Variants in SLITRK4 observed in about 807,000 individuals in gnomAD.
SLITRK4 encodes SLIT and NTRK like family member 4, also known as SLIT and NTRK-like protein 4.
In SLITRK4, 7 loss-of-function variants were observed where a neutral mutation model predicts 34.7. That is an observed-to-expected ratio of 0.20 (90% CI 0.11 to 0.38). The LOEUF is 0.38. Among genes scored for constraint, SLITRK4 ranks in the 10% least tolerant of loss-of-function variants. The probability of loss-of-function intolerance (pLI) is 1.00; values close to 1 mark genes in which losing one functional copy is unlikely to be tolerated. For synonymous variants in SLITRK4, 237 were observed against 246.2 expected, an observed-to-expected ratio of 0.96 and a Z score of 0.35; for missense variants, 474 against 607.0, an observed-to-expected ratio of 0.78 and a Z score of 2.30.
Position 143,628,935 on chromosome X carries a change from G to T in SLITRK4, c.2174C>A (p.Ala725Asp), listed in dbSNP as rs1204672214. 2 of 1,209,517 alleles carry T rather than the reference G, an allele frequency of 1.7e-6. No homozygotes were observed. Among genetic ancestry groups the T allele is most frequent in the Non-Finnish European group, 2.2e-6 (2 of 894,927 alleles). ...ATGTAATAAATCTTTCTCCTTGTCG[G>T]CCACATTTCTCATAACAACTTTCTG... ...PGQKVVMRNV[A>D]DKEKDLLHVD... Residue 725 changes from alanine to aspartate, a missense_variant, in exon 2 of 2, where the codon GCC becomes GAC. Transcript: ENST00000356928.
chrX:143,633,853 G>A (rs945651250), intron 1 of SLITRK4, among the ~76,000 whole-genome samples: 1 of 112,708 alleles, frequency 8.9e-6, no homozygotes, highest in African/African-American at 3.2e-5. Flanking sequence ...ATGTTTTGCC[G>A]CATCCCTGTT....
intron 1 of SLITRK4, among the ~76,000 whole-genome samples, chrX:143,631,781 AC>A (rs1174356448): frequency 7.2e-5 from 8 of 110,750 alleles, no homozygotes; most frequent in African/African-American, 2.0e-4. Context: ...CAATCGGTTT[AC>A]TCCTGTACAC....
In SLITRK4 at chrX:143,627,395, T is replaced by A. The variant is rs782642035; in HGVS notation, c.*1200A>T. On this transcript the variant is annotated 3_prime_UTR_variant, in exon 2 of 2. Transcript: ENST00000356928. Reference sequence around the variant, plus strand: ...GAAAACTAAGGAACTTATTTTTGAATGCACAATTGGTAACAAATCTGAAGA... The same window carrying A: ...GAAAACTAAGGAACTTATTTTTGAAAGCACAATTGGTAACAAATCTGAAGA... The A allele has an allele frequency of 1.8e-5, 2 of 111,523 alleles. No individual in the cohort carries two copies. Among genetic ancestry groups the A allele is most frequent in the Admixed American group, 9.6e-5 (1 of 10,423 alleles). The allele number at this position is 111,523 out of a possible 1,213,427, so 9.2% of individuals were successfully genotyped here. A position where few individuals can be genotyped will look rare whatever the true frequency, so the allele number is the denominator to read the frequency against.
rs1930812088 is a variant in SLITRK4 at position 143,626,929 on chromosome X, T to TATCTATAG, written c.*1665_*1666insCTATAGAT. ...ATCTATATATATCTATATATCTATA[T>TATCTATAG]ATATATATGCAGGCAGGCCAAGAAG... On this transcript the variant is annotated 3_prime_UTR_variant, in exon 2 of 2. Coordinates refer to ENST00000356928, the MANE Select transcript of SLITRK4 (RefSeq NM_001184749.3). 3 of 107,372 alleles carry TATCTATAG rather than the reference T, an allele frequency of 2.8e-5. No individual in the cohort carries two copies. The East Asian group carries it at 8.6e-4, about 31-fold the overall frequency. 8.8% of individuals were successfully genotyped at this position (107,372 alleles called of 1,213,427 possible).
At chrX:143,633,606 G>T (rs1401011798) in intron 1 of SLITRK4, among the ~76,000 whole-genome samples, 1 of 110,807 alleles carries the variant, frequency 9.0e-6, no homozygotes, top group Non-Finnish European at 1.9e-5. Flanking sequence ...GGAGTGCAGC[G>T]CCTGGCACTC....
chrX:143,624,181 A>T lies in SLITRK4; in HGVS notation c.*4414T>A, dbSNP rs1180613182. The stretch of plus-strand genomic sequence containing the variant: ...TACATTCATTTCTGCCCTCAAGTTA[A>T]CCGTAATGCAATTAGTTCATTTTCC... On this transcript the variant is annotated 3_prime_UTR_variant, in exon 2 of 2. Transcript: ENST00000356928. The T allele has an allele frequency of 2.7e-5, 3 of 111,448 alleles. No individual in the cohort carries two copies. The highest frequency in any genetic ancestry group is 9.8e-5 in the African/African-American group (3 of 30,757). The allele number at this position is 111,448 out of a possible 1,213,427, so 9.2% of individuals were successfully genotyped here.
chrX:143,634,611 C>G (rs2124336868), intron 1 of SLITRK4: 1 of 110,010 alleles, frequency 9.1e-6, no homozygotes, highest in African/African-American at 3.3e-5. Context: ...GAGACCGCGT[C>G]GTAGGCAGGC....
Position 143,623,047 on chromosome X carries a change from G to T in SLITRK4, c.*5548C>A, listed in dbSNP as rs1273914882. The T allele has an allele frequency of 4.5e-5, 5 of 110,434 alleles. No individual in the cohort carries two copies. The highest frequency in any genetic ancestry group is 1.6e-4 in the African/African-American group (5 of 30,443). The allele number at this position is 110,434 out of a possible 1,213,427, so 9.1% of individuals were successfully genotyped here. A position where few individuals can be genotyped will look rare whatever the true frequency, so the allele number is the denominator to read the frequency against. ...AGTATTTGTGAGGTGCCAACTAAGA[G>T]AAATATATTGTTCAGAAACTTGAAA... is the stretch of plus-strand genomic sequence containing the variant. On this transcript the variant is annotated 3_prime_UTR_variant, in exon 2 of 2. Coordinates refer to ENST00000356928, the MANE Select transcript of SLITRK4 (RefSeq NM_001184749.3).
Position 143,628,805 on chromosome X carries a change from C to T in SLITRK4, c.2304G>A (p.Glu768=). The change falls in exon 2 of 2, where the codon GAG becomes GAA. Residue 768 remains glutamate, a synonymous_variant. Transcript: ENST00000356928. The stretch of plus-strand genomic sequence containing the variant: ...AGCCACTGACACCTATGCTATTATA[C>T]TCCTTTTTGCTTTCAAGAAAATTCT... The part of the protein sequence containing the change: ...FIQNFLESKK[E]YNSIGVSGFE... The T allele has an allele frequency of 5.8e-6, 7 of 1,210,258 alleles. No homozygotes were observed. The highest frequency in any genetic ancestry group is 6.7e-6 in the Non-Finnish European group (6 of 895,150).
chrX:143,630,721 T>A lies in SLITRK4; in HGVS notation c.388A>T (p.Ile130Leu), dbSNP rs1556428078. The change falls in exon 2 of 2, where the codon ATA (isoleucine) becomes TTA (leucine). Residue 130 changes from isoleucine to leucine, a missense_variant. Coordinates refer to ENST00000356928, the MANE Select transcript of SLITRK4 (RefSeq NM_001184749.3). ...KILRADTFLG[I>L]ENLEYLQADY... ...GCCTGGAGATACTCCAAGTTCTCTA[T>A]GCCAAGGAAAGTGTCAGCTCGGAGA... 1 of 1,208,921 alleles carries A rather than the reference T, an allele frequency of 8.3e-7. No homozygotes were observed. Among genetic ancestry groups the A allele is most frequent in the Non-Finnish European group, 1.1e-6 (1 of 894,921 alleles).
rs1930755161 is a variant in SLITRK4, at chrX:143,625,446, C to A, written c.*3149G>T. 9.0e-6 allele frequency: 1 copy of A among 111,127 alleles called. No individual in the cohort carries two copies. Among genetic ancestry groups the A allele is most frequent in the South Asian group, 3.7e-4 (1 of 2,686 alleles). 9.2% of individuals were successfully genotyped at this position (111,127 alleles called of 1,213,427 possible). Reference sequence around the variant, plus strand: ...ACATGGACACAATATATTATCTCAACCCCTTCACTGATTTCATAAGATCTA... The same window carrying A: ...ACATGGACACAATATATTATCTCAAACCCTTCACTGATTTCATAAGATCTA... On this transcript the variant is annotated 3_prime_UTR_variant, in exon 2 of 2. Coordinates refer to ENST00000356928, the MANE Select transcript of SLITRK4 (RefSeq NM_001184749.3).
rs1404283310 is a variant in SLITRK4, at chrX:143,629,042, T to G, written c.2067A>C (p.Gln689His). 8 of 1,210,360 alleles carry G rather than the reference T, an allele frequency of 6.6e-6. No individual in the cohort carries two copies. Among genetic ancestry groups the G allele is most frequent in the Non-Finnish European group, 7.8e-6 (7 of 895,421 alleles). Reference sequence around the variant, plus strand: ...GGCTCTTGCTCATCTGTTCTATAGTTTGTGGAATGAAAGCTTCTGTGCTCA... The same window carrying G: ...GGCTCTTGCTCATCTGTTCTATAGTGTGTGGAATGAAAGCTTCTGTGCTCA... ...DGLSTEAFIP[Q>H]TIEQMSKSHT... Residue 689 changes from glutamine (Q) to histidine (H), a missense_variant, in exon 2 of 2, where the codon CAA becomes CAC. Around this residue, in one of 3 missense-constraint regions of SLITRK4, gnomAD observed 345 missense variants for 406.5 expected, o/e 0.85. Coordinates refer to ENST00000356928, the MANE Select transcript of SLITRK4 (RefSeq NM_001184749.3).
Position 143,630,002 on chromosome X carries a change from C to T in SLITRK4, c.1107G>A (p.Met369Ile), listed in dbSNP as rs782172412. 2.0e-5 allele frequency: 24 copies of T among 1,211,870 alleles called. No homozygotes were observed. Among genetic ancestry groups the T allele is most frequent in the Non-Finnish European group, 2.6e-5 (23 of 895,580 alleles). ...VNCQEKNIQS[M>I]SELIPKPLNA... ...TTAAAGGTTTCGGTATCAGTTCAGA[C>T]ATAGACTGTATATTTTTCTCTTGGC... is the stretch of plus-strand genomic sequence containing the variant. The change falls in exon 2 of 2, where the codon ATG becomes ATA. Residue 369 changes from methionine to isoleucine, a missense_variant. Around this residue, in one of 3 missense-constraint regions of SLITRK4, gnomAD observed 345 missense variants for 406.5 expected, o/e 0.85. Coordinates refer to ENST00000356928, the MANE Select transcript of SLITRK4 (RefSeq NM_001184749.3).
chrX:143,633,123 G>A (rs1002440977), intron 1 of SLITRK4, among the ~76,000 whole-genome samples: 2 of 110,766 alleles, frequency 1.8e-5, no homozygotes, highest in East Asian at 2.9e-4. Context: ...TAAGTAGCAA[G>A]GGGGGGAAAA....
chrX:143,633,215 G>GA (rs1325778997), intron 1 of SLITRK4, among the ~76,000 whole-genome samples: 2 of 109,751 alleles, frequency 1.8e-5, no homozygotes, highest in African/African-American at 6.7e-5. Flanking sequence ...GGGCAGGCAA[G>GA]AGAGAGAAAG....
chrX:143,631,282 C>T, intron 1 of SLITRK4, 124 bp from the exon 2 acceptor site: 1 of 396,315 alleles, frequency 2.5e-6, no homozygotes, highest in Non-Finnish European at 4.2e-6. Flanking sequence ...GCAATCAAAC[C>T]TCCAAATAGT....
In SLITRK4 at chrX:143,625,661, T is replaced by G. The variant is rs1268973371; in HGVS notation, c.*2934A>C. The stretch of plus-strand genomic sequence containing the variant: ...GGTTAAACTAACATCAAGGTTATAG[T>G]TGAAGCCAACAAAATGTAGATACAG... On this transcript the variant is annotated 3_prime_UTR_variant, in exon 2 of 2. Coordinates refer to ENST00000356928, the MANE Select transcript of SLITRK4 (RefSeq NM_001184749.3). The G allele has an allele frequency of 9.0e-6, 1 of 111,579 alleles. No individual in the cohort carries two copies. Among genetic ancestry groups the G allele is most frequent in the African/African-American group, 3.2e-5 (1 of 30,814 alleles). The allele number at this position is 111,579 out of a possible 1,213,427, so 9.2% of individuals were successfully genotyped here.
At chrX:143,634,749 G>C (rs1931174248) in intron 1 of SLITRK4, 2 of 99,550 alleles carry the variant, frequency 2.0e-5, no homozygotes, top group South Asian at 5.3e-4. Flanking sequence ...GCGCGCGCGA[G>C]ATCTCTCTCT....
rs1370326953 is a variant in SLITRK4, at chrX:143,623,114, A to G, written c.*5481T>C. ...ATAGCTAATTTAAAGGCACTGCTCT[A>G]TGGTTATTCATTATATTATTAATAT... On this transcript the variant is annotated 3_prime_UTR_variant, in exon 2 of 2. Coordinates refer to ENST00000356928, the MANE Select transcript of SLITRK4 (RefSeq NM_001184749.3). The G allele has an allele frequency of 1.8e-5, 2 of 111,309 alleles. No individual in the cohort carries two copies. The highest frequency in any genetic ancestry group is 9.6e-5 in the Admixed American group (1 of 10,372). 9.2% of individuals were successfully genotyped at this position (111,309 alleles called of 1,213,427 possible).
Sources: gnomAD v4.1 joint callset for allele counts (sites outside exome capture counted in the v4.1 genomes callset) on GRCh38, gnomAD v4.1.1 for gene constraint, gnomAD v4.1.1 regional missense constraint, MANE v1.5 for transcripts, NCBI Gene and HGNC (gene_info 2026-07-23, HGNC 2026-07-21) for gene names.